Variants in PGAP2 observed in about 807,000 individuals in gnomAD.
PGAP2 encodes the protein post-GPI attachment to proteins 2, also known as acyltransferase PGAP2.
In PGAP2, 21 loss-of-function variants were observed where a neutral mutation model predicts 33.2. The observed-to-expected ratio is 0.63, with a 90% confidence interval of 0.45 to 0.91. The LOEUF (loss-of-function observed/expected upper bound fraction) is 0.91. PGAP2 is among the 40% of genes least tolerant of loss of function. The pLI is 0.00. For missense variants in PGAP2, 345 were observed against 424.0 expected (o/e 0.81, Z 1.64); for synonymous variants, 161 against 172.9 (o/e 0.93, Z 0.54).
chr11:3,815,414 T>C (rs1431504485), intron 2 of PGAP2, among the ~76,000 whole-genome samples: 1 of 152,064 alleles, frequency 6.6e-6, no homozygotes, highest in Non-Finnish European at 1.5e-5. Context: ...GTTCAAGCGA[T>C]TCTCCTGTCT....
chr11:3,824,957 A>G (rs1011046233), intron 5 of PGAP2, 63 bp from the exon 6 acceptor site: 2 of 1,607,758 alleles, frequency 1.2e-6, no homozygotes, highest in Non-Finnish European at 1.7e-6. Flanking sequence ...GTTAGGGCTG[A>G]GAGGGGAGCC....
At chr11:3,807,326 T>TTTA (rs1554920136), upstream of PGAP2, among the ~76,000 whole-genome samples, 1 of 117,498 alleles carries the variant, frequency 8.5e-6, no homozygotes, top group African/African-American at 2.9e-5. Flanking sequence ...TTTTTTTTTT[T>TTTA]AATGGAGTTT....
At chr11:3,818,780 GAC>G (rs2087768144) in intron 3 of PGAP2, among the ~76,000 whole-genome samples, 1 of 152,184 alleles carries the variant, frequency 6.6e-6, no homozygotes, top group Non-Finnish European at 1.5e-5. Flanking sequence ...TCAATCCTTA[GAC>G]ACAGACTGTC....
intron 3 of PGAP2, chr11:3,823,540 G>A (rs2089374897): frequency 1.3e-6 from 2 of 1,499,778 alleles, no homozygotes; most frequent in Admixed American, 2.0e-5. Flanking sequence ...CTCACCCAGG[G>A]TCTTAGTGGA....
chr11:3,798,110 T>C, intron 1 of PGAP2: 1 of 1,474,140 alleles, frequency 6.8e-7, no homozygotes, highest in East Asian at 2.6e-5. Context: ...GGTCTGTCTG[T>C]CCAAAGAGTT....
upstream of PGAP2, chr11:3,807,941 C>G: frequency 2.9e-6 from 2 of 678,238 alleles, no homozygotes; most frequent in Non-Finnish European, 3.9e-6. Context: ...GGGGATCAAT[C>G]CTCTCATTGT....
chr11:3,824,050 G>T lies in PGAP2; in HGVS notation c.516G>T (p.Pro172=), dbSNP rs756891130. The change falls in exon 4 of 7, where the codon CCG becomes CCT. Residue 172 remains proline (P), a synonymous_variant. Transcript: ENST00000278243. ...SCTSPCSCYR[P]LCRLNFGLNV... ...CCTCCCCGTGTTCCTGCTATCGCCC[G>T]CTCTGCCGCCTCAACTTCGGCCTCA... The T allele has an allele frequency of 1.2e-6, 2 of 1,614,146 alleles. No individual in the cohort carries two copies. The highest frequency in any genetic ancestry group is 1.7e-6 in the Non-Finnish European group (2 of 1,180,028).
chr11:3,825,621 T>G lies in PGAP2; in HGVS notation c.*163T>G. 2 of 666,318 alleles carry G rather than the reference T, an allele frequency of 3.0e-6. No individual in the cohort carries two copies. Among genetic ancestry groups the G allele is most frequent in the South Asian group, 2.0e-5 (1 of 50,056 alleles). 41.3% of individuals were successfully genotyped at this position (666,318 alleles called of 1,614,324 possible). On this transcript the variant is annotated 3_prime_UTR_variant, in exon 7 of 7. Coordinates refer to ENST00000278243, the MANE Select transcript of PGAP2 (RefSeq NM_014489.4). ...CAAGGCTCACCCCAGTGCTGCTGGC[T>G]TCTCCTCTCCACCCCTCATATGGGC...
At chr11:3,814,816 T>TTC (rs1385400178) in intron 2 of PGAP2, among the ~76,000 whole-genome samples, 1,326 of 117,590 alleles carry the variant, frequency 0.011, 10 homozygotes, top group East Asian at 0.036. Flanking sequence ...TTCTTTCTCT[T>TTC]TCTTTCTTTT....
rs1417406424 is a variant in PGAP2 at position 3,825,879 on chromosome 11, T to C, written c.*421T>C. The C allele has an allele frequency of 1.1e-5, 2 of 180,058 alleles. No homozygotes were observed. Among genetic ancestry groups the C allele is most frequent in the Non-Finnish European group, 2.4e-5 (2 of 83,324 alleles). The allele number at this position is 180,058 out of a possible 1,614,324, so 11.2% of individuals were successfully genotyped here. A position where few individuals can be genotyped will look rare whatever the true frequency, so the allele number is the denominator to read the frequency against. On this transcript the variant is annotated 3_prime_UTR_variant, in exon 7 of 7. Transcript: ENST00000278243. ...GGGTCATTCATAGGACTAATGTATT[T>C]CATGATCTACTGTGCACATCCAGGC...
At chr11:3,808,172 C>T, upstream of PGAP2, 1 of 1,479,120 alleles carries the variant, frequency 6.8e-7, no homozygotes, top group Non-Finnish European at 9.2e-7. Context: ...AGGAAACTGG[C>T]TTAATGTTTC....
chr11:3,822,734 A>G (rs995186201), intron 3 of PGAP2, among the ~76,000 whole-genome samples: 2 of 152,158 alleles, frequency 1.3e-5, no homozygotes, highest in African/African-American at 4.8e-5. Context: ...TGTATGGGTA[A>G]TTAAAGTTTG....
intron 2 of PGAP2, among the ~76,000 whole-genome samples, chr11:3,814,171 C>T (rs755038188): frequency 2.0e-5 from 3 of 152,222 alleles, no homozygotes; most frequent in Non-Finnish European, 2.9e-5. Context: ...GCTCGCATAT[C>T]CCCAGTGATG....
chr11:3,814,748 TTTTCTTTC>T (rs57460101), intron 2 of PGAP2, among the ~76,000 whole-genome samples: 6,162 of 110,932 alleles, frequency 0.056, 264 homozygotes, highest in African/African-American at 0.1. Flanking sequence ...TCTTTCCTTC[TTTTCTTTC>T]TTTCTTTCTT....
intron 1 of PGAP2, among the ~76,000 whole-genome samples, chr11:3,809,942 A>G (rs2085204501): frequency 6.6e-6 from 1 of 152,212 alleles, no homozygotes; most frequent in African/African-American, 2.4e-5. Context: ...GGGTGGGACT[A>G]AAGGGAGAGT....
At chr11:3,802,457 G>A (rs906361139) in intron 1 of PGAP2, among the ~76,000 whole-genome samples, 2 of 152,164 alleles carry the variant, frequency 1.3e-5, no homozygotes, top group African/African-American at 4.8e-5. Flanking sequence ...GGAGTTTGAT[G>A]CTTACAAACC....
At chr11:3,805,979 C>G (rs2084260196), upstream of PGAP2, among the ~76,000 whole-genome samples, 1 of 32 alleles carries the variant, frequency 0.031, no homozygotes, top group South Asian at 0.5. Context: ...GCCACCACGC[C>G]CCCGCGAGAC....
At chr11:3,808,106 A>G (rs2084757647), upstream of PGAP2, 1 of 1,452,146 alleles carries the variant, frequency 6.9e-7, no homozygotes, top group Admixed American at 2.5e-5. Context: ...CCCATTGCTG[A>G]AATGTCCCCA....
chr11:3,817,769 G>A (rs1249290908), intron 3 of PGAP2: 4 of 661,766 alleles, frequency 6.0e-6, no homozygotes, highest in Non-Finnish European at 1.1e-5. Flanking sequence ...GGGAGATGAC[G>A]GGCGCAGTGG....
Sources: allele counts gnomAD v4.1 joint callset (sites outside exome capture counted in the v4.1 genomes callset), GRCh38; gene constraint gnomAD v4.1.1; transcripts MANE v1.5; gene names NCBI Gene and HGNC (gene_info 2026-07-23, HGNC 2026-07-21).